Variants in GALNT18 observed in about 807,000 individuals in gnomAD.
GALNT18 encodes GalNAc-transferase 18.
GALNT18 carries 44 observed loss-of-function variants against 69.5 expected under a neutral mutation model. That is an observed-to-expected ratio of 0.63 (90% CI 0.50 to 0.81). The LOEUF (loss-of-function observed/expected upper bound fraction) is 0.81. Ranked by LOEUF, GALNT18 falls within the 40% of genes least tolerant of loss-of-function variation. The pLI, the probability that GALNT18 is intolerant of heterozygous loss-of-function variation, is 0.00. For missense variants in GALNT18, 715 were observed against 810.0 expected, an observed-to-expected ratio of 0.88 and a Z score of 1.42; for synonymous variants, 364 against 318.2, an observed-to-expected ratio of 1.14 and a Z score of -1.53.
At chr11:11,342,954 T>C (rs142053505) in intron 6 of GALNT18, among the ~76,000 whole-genome samples, 31 of 152,354 alleles carry the variant, frequency 2.0e-4, no homozygotes, top group African/African-American at 7.0e-4. Context: ...CATGTGGTCA[T>C]TCTTAGCTAT....
At chr11:11,334,368 C>G (rs1298017973) in intron 7 of GALNT18, among the ~76,000 whole-genome samples, 1 of 151,956 alleles carries the variant, frequency 6.6e-6, no homozygotes, top group African/African-American at 2.4e-5. Flanking sequence ...TGGTGAAACC[C>G]CGTCTCTACT....
At chr11:11,326,872 C>T (rs1052613084) in intron 9 of GALNT18, among the ~76,000 whole-genome samples, 1 of 152,192 alleles carries the variant, frequency 6.6e-6, no homozygotes, top group Non-Finnish European at 1.5e-5. Flanking sequence ...GTCATAGCAT[C>T]CACTCCCTCA....
rs1369930453 is a variant in GALNT18 at position 11,573,463 on chromosome 11, A to T, written c.235+47896T>A. 1 of 152,314 alleles carries T rather than the reference A, an allele frequency of 6.6e-6. No homozygotes were observed. The highest frequency in any genetic ancestry group is 1.9e-4 in the East Asian group (1 of 5,182). The allele number at this position is 152,314 out of a possible 1,614,324, so 9.4% of individuals were successfully genotyped here. The stretch of plus-strand genomic sequence containing the variant: ...TACTTGGTGCCAGGAACTTGCTCAC[A>T]AACGATATTAAAATTTTACAGCAAC... On this transcript the variant is annotated intron_variant, in intron 1 of 10. Coordinates refer to ENST00000227756, the MANE Select transcript of GALNT18 (RefSeq NM_198516.3). The surrounding 1 kb of genome is among the most constrained non-coding windows in gnomAD (Gnocchi z 4.6).
At chr11:11,556,589 G>A (rs1032434679) in intron 1 of GALNT18, among the ~76,000 whole-genome samples, 3 of 152,262 alleles carry the variant, frequency 2.0e-5, no homozygotes, top group Admixed American at 2.0e-4. Flanking sequence ...CGTTGCAAAT[G>A]AAGTTGTGCC....
At chr11:11,358,168 G>GT (rs1409011515) in intron 6 of GALNT18, among the ~76,000 whole-genome samples, 1 of 99,942 alleles carries the variant, frequency 1.0e-5, no homozygotes, top group Admixed American at 9.6e-5. Context: ...TTACCTCAAA[G>GT]TTTTTTCTTT....
intron 1 of GALNT18, among the ~76,000 whole-genome samples, chr11:11,518,725 G>T (rs1857333895): frequency 6.6e-6 from 1 of 152,258 alleles, no homozygotes; most frequent in African/African-American, 2.4e-5. Flanking sequence ...AAGGATTCTA[G>T]TTGAGAAGTA....
At chr11:11,351,668 T>C (rs939636675) in intron 6 of GALNT18, among the ~76,000 whole-genome samples, 1 of 152,164 alleles carries the variant, frequency 6.6e-6, no homozygotes, top group African/African-American at 2.4e-5. Context: ...CTTCTTTGTT[T>C]TGAAATAGGA....
intron 3 of GALNT18, among the ~76,000 whole-genome samples, chr11:11,423,251 ATG>A (rs372417034): frequency 1.4e-4 from 21 of 152,072 alleles, no homozygotes; most frequent in Admixed American, 6.5e-5. Flanking sequence ...ACACAAACAC[ATG>A]TGTTATATGT....
chr11:11,301,119 G>T lies in GALNT18; in HGVS notation c.1513-7926C>A, dbSNP rs144087326. Among the ~76,000 whole-genome samples the T allele has an allele frequency of 7.1e-3, 1,079 of 152,218 alleles. 9 individuals carry two copies. Among genetic ancestry groups the T allele is most frequent in the African/African-American group, 0.024 (1,009 of 41,534 alleles). On this transcript the variant is annotated intron_variant, in intron 9 of 10. Coordinates refer to ENST00000227756, the MANE Select transcript of GALNT18 (RefSeq NM_198516.3). Reference sequence around the variant, plus strand: ...AGACCCAGGAGGGAGAGGGCTACCCGTCCAGCTGCAATGCCTCACCCTCTC... The same window carrying T: ...AGACCCAGGAGGGAGAGGGCTACCCTTCCAGCTGCAATGCCTCACCCTCTC...
At chr11:11,554,593 GATTAATGTATTTAGGTC>G (rs750888387) in intron 1 of GALNT18, among the ~76,000 whole-genome samples, 72 of 152,264 alleles carry the variant, frequency 4.7e-4, no homozygotes, top group Non-Finnish European at 9.4e-4. Context: ...CCTTTAGTGT[GATTAATGTATTTAGGTC>G]ATTCCTGATA....
rs1255946138 is a variant in GALNT18 at position 11,383,809 on chromosome 11, G to A, written c.596-4545C>T. 7.2e-6 allele frequency among the ~76,000 whole-genome samples: 1 copy of A among 138,920 alleles called. No homozygotes were observed. Among genetic ancestry groups the A allele is most frequent in the Non-Finnish European group, 1.6e-5 (1 of 63,878 alleles). 91.1% of individuals were successfully genotyped at this position (138,920 alleles called of 152,430 possible). Reference sequence around the variant, plus strand: ...TCATGAGATCTGATGGTTTAAGTGTGGCACTTCCTCTCTCTCTCTCTCTCT... The same window carrying A: ...TCATGAGATCTGATGGTTTAAGTGTAGCACTTCCTCTCTCTCTCTCTCTCT... On this transcript the variant is annotated intron_variant, in intron 3 of 10. Coordinates refer to ENST00000227756, the MANE Select transcript of GALNT18 (RefSeq NM_198516.3). This position sits in a 1 kb window ranked among gnomAD's most constrained non-coding sequence, Gnocchi z 5.2.
intron 9 of GALNT18, among the ~76,000 whole-genome samples, chr11:11,306,082 T>A (rs941882133): frequency 6.6e-6 from 1 of 152,224 alleles, no homozygotes; most frequent in African/African-American, 2.4e-5. Flanking sequence ...GTCTATGCCA[T>A]GTCTAGACCT....
chr11:11,593,093 T>C (rs1447701164), intron 1 of GALNT18, among the ~76,000 whole-genome samples: 2 of 152,176 alleles, frequency 1.3e-5, no homozygotes, highest in East Asian at 3.9e-4. Flanking sequence ...TTTTGTATTT[T>C]TAGTGGAGAC....
At position 11,541,715 on chromosome 11, in the gene GALNT18, G is replaced by A. The variant is rs746553873; in HGVS notation, c.235+79644C>T. On this transcript the variant is annotated intron_variant, in intron 1 of 10. Transcript: ENST00000227756. This position sits in a 1 kb window ranked among gnomAD's most constrained non-coding sequence, Gnocchi z 4.8. The stretch of plus-strand genomic sequence containing the variant: ...CCCCACACCTCTATTGCCCCAAAGC[G>A]TCGCTAGTAGCCTTGGGGATTCCTC... 1.5e-4 allele frequency among the ~76,000 whole-genome samples: 23 copies of A among 152,014 alleles called. No homozygotes were observed. The highest frequency in any genetic ancestry group is 1.0e-3 in the Admixed American group (16 of 15,266).
At chr11:11,467,004 A>G (rs1856168095) in intron 1 of GALNT18, among the ~76,000 whole-genome samples, 1 of 152,220 alleles carries the variant, frequency 6.6e-6, no homozygotes, top group African/African-American at 2.4e-5. Context: ...ATTAACAGCT[A>G]CATGTGTCTT....
intron 1 of GALNT18, among the ~76,000 whole-genome samples, chr11:11,552,759 C>G (rs898588556): frequency 2.0e-5 from 3 of 152,156 alleles, no homozygotes; most frequent in Admixed American, 6.5e-5. Flanking sequence ...TGTCTTTGAC[C>G]AGAGGCTAAA....
Position 11,415,003 on chromosome 11 carries a change from G to A in GALNT18, c.595+17618C>T, listed in dbSNP as rs997245395. Among the ~76,000 whole-genome samples, 3 of 152,138 alleles carry A rather than the reference G, an allele frequency of 2.0e-5. No individual in the cohort carries two copies. Among genetic ancestry groups the A allele is most frequent in the East Asian group, 3.9e-4 (2 of 5,184 alleles). On this transcript the variant is annotated intron_variant, in intron 3 of 10. Transcript: ENST00000227756. This position sits in a 1 kb window ranked among gnomAD's most constrained non-coding sequence, Gnocchi z 4.1. ...CGTTGTTGGCACAATTCGTTTCCTC[G>A]CAGTTGTAGGACTGAGGTCCCTGCT...
chr11:11,349,607 G>A (rs1564904848), intron 6 of GALNT18, among the ~76,000 whole-genome samples: 1 of 152,194 alleles, frequency 6.6e-6, no homozygotes, highest in African/African-American at 2.4e-5. Flanking sequence ...GAAGGCTCAT[G>A]TCAACTTTGT....
Position 11,396,614 on chromosome 11 carries a change from G to A in GALNT18, c.596-17350C>T, listed in dbSNP as rs934856788. Among the ~76,000 whole-genome samples the A allele has an allele frequency of 1.3e-5, 2 of 152,268 alleles. No individual in the cohort carries two copies. Among genetic ancestry groups the A allele is most frequent in the South Asian group, 2.1e-4 (1 of 4,820 alleles). On this transcript the variant is annotated intron_variant, in intron 3 of 10. Coordinates refer to ENST00000227756, the MANE Select transcript of GALNT18 (RefSeq NM_198516.3). This position sits in a 1 kb window ranked among gnomAD's most constrained non-coding sequence, Gnocchi z 5.2. ...TCATGGCAATTGCAAAGATTTGCAC[G>A]CGGGACTCCAGTCTGGGGCAATAGT...
Sources: allele counts gnomAD v4.1 joint callset (sites outside exome capture counted in the v4.1 genomes callset), GRCh38; gene constraint gnomAD v4.1.1; non-coding constraint Gnocchi (gnomAD v3.1); transcripts MANE v1.5; gene names NCBI Gene and HGNC (gene_info 2026-07-23, HGNC 2026-07-21).